Variants in ZNRF1 observed in about 807,000 individuals in gnomAD.
ZNRF1 encodes E3 ubiquitin-protein ligase ZNRF1.
A neutral mutation model predicts 18.4 loss-of-function variants in ZNRF1; 3 were observed. The ratio of observed to expected loss-of-function variants is 0.16; its 90% CI spans 0.07 to 0.42. The LOEUF (loss-of-function observed/expected upper bound fraction) is 0.42, where lower values mean the gene tolerates loss of function less well. Ranked by LOEUF, ZNRF1 falls within the 10% of genes least tolerant of loss-of-function variation. The pLI is 0.99. For missense variants in ZNRF1, 310 were observed against 329.8 expected (o/e 0.94, Z 0.47); for synonymous variants, 157 against 144.2 (o/e 1.09, Z -0.64).
At chr16:75,038,836 AT>A in intron 1 of ZNRF1, among the ~76,000 whole-genome samples, 1 of 152,322 alleles carries the variant, frequency 6.6e-6, no homozygotes, top group East Asian at 1.9e-4. Flanking sequence ...GATAAGAGAA[AT>A]TGAAAATAAT....
At chr16:75,082,001 G>A (rs1327562471) in intron 1 of ZNRF1, among the ~76,000 whole-genome samples, 1 of 152,184 alleles carries the variant, frequency 6.6e-6, no homozygotes, top group Non-Finnish European at 1.5e-5. Context: ...AGTAGTTGGG[G>A]ACTTGATTCA....
chr16:75,047,047 CTG>C (rs1328666209), intron 1 of ZNRF1, among the ~76,000 whole-genome samples: 7 of 152,114 alleles, frequency 4.6e-5, no homozygotes, highest in Non-Finnish European at 7.3e-5. Flanking sequence ...TGGATATAAT[CTG>C]TCTCTTGCCA....
At chr16:75,097,466 T>G (rs2036212592) in intron 2 of ZNRF1, among the ~76,000 whole-genome samples, 1 of 152,142 alleles carries the variant, frequency 6.6e-6, no homozygotes, top group African/African-American at 2.4e-5. Context: ...CTTCCTCCCC[T>G]CTGCCAAAGG....
intron 1 of ZNRF1, among the ~76,000 whole-genome samples, chr16:75,085,791 T>TGAGAGAGAGAGAGAGAGA (rs71378737): frequency 5.8e-4 from 80 of 139,096 alleles, no homozygotes; most frequent in Admixed American, 1.1e-3. Context: ...TCCGACAGAG[T>TGAGAGAGAGAGAGAGAGA]GAGAGAGAGA....
chr16:75,055,943 T>G (rs1321140829), intron 1 of ZNRF1, among the ~76,000 whole-genome samples: 2 of 152,204 alleles, frequency 1.3e-5, no homozygotes, highest in African/African-American at 2.4e-5. Flanking sequence ...GATAAAGACA[T>G]TTGCCAACCA....
chr16:75,040,321 T>C (rs1383073897), intron 1 of ZNRF1, among the ~76,000 whole-genome samples: 1 of 152,022 alleles, frequency 6.6e-6, no homozygotes, highest in Non-Finnish European at 1.5e-5. Flanking sequence ...GTAGTGAGAC[T>C]GTAGCTCACT....
chr16:75,006,091 A>G (rs1417354252), intron 1 of ZNRF1, among the ~76,000 whole-genome samples: 1 of 152,182 alleles, frequency 6.6e-6, no homozygotes, highest in Non-Finnish European at 1.5e-5. Flanking sequence ...CGGGACCACC[A>G]TCATGTATGC....
At chr16:75,070,655 C>A (rs1325770651) in intron 1 of ZNRF1, among the ~76,000 whole-genome samples, 1 of 152,096 alleles carries the variant, frequency 6.6e-6, no homozygotes, top group Non-Finnish European at 1.5e-5. Context: ...AGGAACCCTC[C>A]CCCAACCCCG....
At chr16:75,083,487 G>A (rs1310967985) in intron 1 of ZNRF1, among the ~76,000 whole-genome samples, 2 of 152,164 alleles carry the variant, frequency 1.3e-5, no homozygotes, top group African/African-American at 4.8e-5. Context: ...CATGCTTAGA[G>A]TAGAAAATGA....
chr16:75,081,563 G>C (rs1180065984), intron 1 of ZNRF1, among the ~76,000 whole-genome samples: 2 of 152,224 alleles, frequency 1.3e-5, no homozygotes, highest in African/African-American at 4.8e-5. Context: ...CTCTGGCATT[G>C]CCCAAACGCT....
chr16:75,086,767 G>A (rs1449868393), intron 1 of ZNRF1, among the ~76,000 whole-genome samples: 1 of 152,174 alleles, frequency 6.6e-6, no homozygotes, highest in Non-Finnish European at 1.5e-5. Context: ...CAAGGGGCAC[G>A]CGCTCTCTGA....
At chr16:75,102,516 A>G (rs2036265783) in intron 2 of ZNRF1, among the ~76,000 whole-genome samples, 1 of 152,130 alleles carries the variant, frequency 6.6e-6, no homozygotes. Context: ...CAGCTGAGAC[A>G]CTGCTCTCCT....
At chr16:75,060,396 G>T (rs1597887198) in intron 1 of ZNRF1, among the ~76,000 whole-genome samples, 1 of 151,542 alleles carries the variant, frequency 6.6e-6, no homozygotes, top group South Asian at 2.1e-4. Context: ...TGTGGCAGGA[G>T]CAGGGAAATA....
chr16:75,082,355 G>A (rs1445511273), intron 1 of ZNRF1, among the ~76,000 whole-genome samples: 2 of 152,112 alleles, frequency 1.3e-5, no homozygotes, highest in African/African-American at 4.8e-5. Flanking sequence ...CCTGTTCCTG[G>A]TAGATGCTTT....
intron 1 of ZNRF1, among the ~76,000 whole-genome samples, chr16:75,069,585 T>C (rs1178464802): frequency 1.3e-5 from 2 of 152,214 alleles, no homozygotes; most frequent in East Asian, 3.8e-4. Flanking sequence ...AGCTAATTTT[T>C]GTATTTTTAG....
At chr16:75,008,462 AC>A (rs1405745308) in intron 1 of ZNRF1, among the ~76,000 whole-genome samples, 1 of 152,124 alleles carries the variant, frequency 6.6e-6, no homozygotes, top group African/African-American at 2.4e-5. Context: ...TTCCTGAGTT[AC>A]CCTCTTTCCT....
chr16:75,085,812 G>GAGAGAA (rs1433604303), intron 1 of ZNRF1, among the ~76,000 whole-genome samples: 1 of 147,686 alleles, frequency 6.8e-6, no homozygotes, highest in Non-Finnish European at 1.5e-5. Context: ...GAGAGAGAGA[G>GAGAGAA]AGAGAGTGAG....
At chr16:75,093,696 C>G (rs1293488915) in intron 2 of ZNRF1, 29 bp downstream of exon 2, 2 of 1,586,454 alleles carry the variant, frequency 1.3e-6, no homozygotes, top group African/African-American at 1.3e-5. Flanking sequence ...TCACCAGCCT[C>G]CAGAGCATCC....
intron 2 of ZNRF1, among the ~76,000 whole-genome samples, chr16:75,101,331 G>A (rs886373801): frequency 1.3e-5 from 2 of 152,192 alleles, no homozygotes; most frequent in Admixed American, 6.5e-5. Flanking sequence ...CGAGGTAGGT[G>A]GATCACGAGG....
Sources: gnomAD v4.1 joint callset for allele counts (sites outside exome capture counted in the v4.1 genomes callset) on GRCh38, gnomAD v4.1.1 for gene constraint, MANE v1.5 for transcripts, NCBI Gene and HGNC (gene_info 2026-07-23, HGNC 2026-07-21) for gene names.